The following WASL variants were observed in gnomAD, a reference collection of about 807,000 sequenced individuals.
WASL encodes the protein WASP like actin nucleation promoting factor.
WASL carries 20 observed loss-of-function variants against 55.5 expected under a neutral mutation model. The ratio of observed to expected loss-of-function variants is 0.36; its 90% CI spans 0.25 to 0.52. WASL has a LOEUF of 0.52. WASL is among the 20% of genes least tolerant of loss of function. The pLI, the probability that WASL is intolerant of heterozygous loss-of-function variation, is 0.92. For missense variants in WASL, 504 were observed against 622.5 expected (o/e 0.81, Z 2.03); for synonymous variants, 249 against 217.6 (o/e 1.14, Z -1.27).
chr7:123,686,495 C>G (rs560923041), intron 10 of WASL, among the ~76,000 whole-genome samples: 14 of 152,012 alleles, frequency 9.2e-5, no homozygotes, highest in African/African-American at 3.4e-4. Context: ...CACAGAAATA[C>G]TAACAGTTAA....
chr7:123,691,034 G>A (rs1298545934), intron 9 of WASL, among the ~76,000 whole-genome samples: 1 of 151,198 alleles, frequency 6.6e-6, no homozygotes, highest in Non-Finnish European at 1.5e-5. Flanking sequence ...CTGAATACAT[G>A]TAAAGAAAAG....
At chr7:123,744,583 A>T (rs949281139) in intron 1 of WASL, among the ~76,000 whole-genome samples, 1 of 152,210 alleles carries the variant, frequency 6.6e-6, no homozygotes, top group African/African-American at 2.4e-5. Flanking sequence ...TAAATCTTGA[A>T]AAAACAAACC....
At chr7:123,725,324 T>C (rs375826608) in intron 1 of WASL, among the ~76,000 whole-genome samples, 229 of 152,310 alleles carry the variant, frequency 1.5e-3, no homozygotes, top group African/African-American at 5.2e-3. Context: ...TACTGTGCTA[T>C]GAAAATACGG....
chr7:123,725,112 TACA>T (rs971733932), intron 1 of WASL, among the ~76,000 whole-genome samples: 4 of 152,216 alleles, frequency 2.6e-5, no homozygotes, highest in African/African-American at 4.8e-5. Context: ...ATTTTCAAAG[TACA>T]ACAAGGCTGT....
At chr7:123,741,826 AAAAC>A (rs1804346899) in intron 1 of WASL, among the ~76,000 whole-genome samples, 2 of 152,180 alleles carry the variant, frequency 1.3e-5, no homozygotes, top group South Asian at 4.1e-4. Context: ...GCTCAGCAGC[AAAAC>A]AAATAGAACC....
intron 1 of WASL, among the ~76,000 whole-genome samples, chr7:123,721,070 A>C (rs774404560): frequency 1.3e-5 from 2 of 152,246 alleles, no homozygotes; most frequent in Non-Finnish European, 2.9e-5. Flanking sequence ...AATAAAAAGC[A>C]AACTCTGGCT....
chr7:123,687,273 C>A (rs931472637), intron 10 of WASL, among the ~76,000 whole-genome samples: 1 of 152,138 alleles, frequency 6.6e-6, no homozygotes, highest in Non-Finnish European at 1.5e-5. Flanking sequence ...CATTACTACA[C>A]CTCTGCTAAA....
chr7:123,746,830 G>A (rs1043159397), intron 1 of WASL, among the ~76,000 whole-genome samples: 31 of 152,210 alleles, frequency 2.0e-4, no homozygotes, highest in African/African-American at 7.0e-4. Context: ...TAGTATACTT[G>A]TGTATAAATG....
At chr7:123,725,497 TAG>T (rs1174705296) in intron 1 of WASL, among the ~76,000 whole-genome samples, 1 of 151,924 alleles carries the variant, frequency 6.6e-6, no homozygotes, top group African/African-American at 2.4e-5. Context: ...TAATTTACAT[TAG>T]GTTATATTTA....
At chr7:123,702,627 A>G (rs557637673) in intron 5 of WASL, among the ~76,000 whole-genome samples, 3 of 152,292 alleles carry the variant, frequency 2.0e-5, no homozygotes, top group Admixed American at 2.0e-4. Flanking sequence ...ATTATTCCCT[A>G]GACAATACAG....
chr7:123,732,101 G>A (rs1562965459), intron 1 of WASL, among the ~76,000 whole-genome samples: 1 of 152,152 alleles, frequency 6.6e-6, no homozygotes, highest in Non-Finnish European at 1.5e-5. Flanking sequence ...GCCAAGGCAG[G>A]CAGATCACGA....
At chr7:123,687,756 C>CTT (rs34607411) in intron 10 of WASL, among the ~76,000 whole-genome samples, 67,591 of 149,840 alleles carry the variant, frequency 0.45, 15,428 homozygotes, top group South Asian at 0.66. Flanking sequence ...AAGGCAGGGA[C>CTT]TTTTTTTTTG....
chr7:123,725,613 G>A (rs993257776), intron 1 of WASL, among the ~76,000 whole-genome samples: 11 of 151,982 alleles, frequency 7.2e-5, no homozygotes, highest in African/African-American at 2.2e-4. Context: ...CAGGCAGAGT[G>A]CTAAGAACTT....
At chr7:123,721,324 T>C (rs1451219029) in intron 1 of WASL, among the ~76,000 whole-genome samples, 7 of 151,022 alleles carry the variant, frequency 4.6e-5, no homozygotes, top group African/African-American at 1.2e-4. Flanking sequence ...TTGACTGACA[T>C]GTACAATCAA....
At chr7:123,706,903 A>G in intron 2 of WASL, 77 bp from the exon 3 acceptor site, 1 of 841,254 alleles carries the variant, frequency 1.2e-6, no homozygotes, top group Non-Finnish European at 1.8e-6. Flanking sequence ...GATGACTCAT[A>G]TTAAGAAAAC....
At chr7:123,707,299 A>G (rs1340728557) in intron 2 of WASL, among the ~76,000 whole-genome samples, 1 of 152,178 alleles carries the variant, frequency 6.6e-6, no homozygotes. Flanking sequence ...GGAGGGTCAA[A>G]TATACCTTCC....
At chr7:123,695,766 T>C (rs1238989197) in intron 7 of WASL, 57 bp downstream of exon 7, 27 of 1,550,202 alleles carry the variant, frequency 1.7e-5, no homozygotes, top group Middle Eastern at 1.7e-4. Flanking sequence ...AAATCTAAAA[T>C]AGGCCAACAC....
intron 5 of WASL, among the ~76,000 whole-genome samples, chr7:123,699,050 A>C (rs1803534889): frequency 6.6e-6 from 1 of 152,164 alleles, no homozygotes; most frequent in African/African-American, 2.4e-5. Context: ...TTTATATCTT[A>C]ATAAAATGTA....
intron 1 of WASL, among the ~76,000 whole-genome samples, chr7:123,711,170 C>G (rs1263029258): frequency 6.6e-6 from 1 of 151,980 alleles, no homozygotes; most frequent in South Asian, 2.1e-4. Flanking sequence ...GGTCTGAAAT[C>G]CCATTATGAA....
Sources: allele counts gnomAD v4.1 joint callset (sites outside exome capture counted in the v4.1 genomes callset), GRCh38; gene constraint gnomAD v4.1.1; transcripts MANE v1.5; gene names NCBI Gene and HGNC (gene_info 2026-07-23, HGNC 2026-07-21).